Variants in PLXNA4 observed in about 807,000 individuals in gnomAD.
PLXNA4 encodes plexin A4.
PLXNA4 carries 44 observed loss-of-function variants against 191.8 expected under a neutral mutation model. The ratio of observed to expected loss-of-function variants is 0.23; its 90% confidence interval spans 0.18 to 0.29. The LOEUF (loss-of-function observed/expected upper bound fraction) is 0.29. Ranked by LOEUF, PLXNA4 falls within the 10% of genes least tolerant of loss-of-function variation. PLXNA4 has a pLI of 1.00. For synonymous variants in PLXNA4, 1,082 were observed against 1,009.5 expected (o/e 1.07, Z -1.36); for missense variants, 1,800 against 2,488.8 (o/e 0.72, Z 5.89).
In PLXNA4 at chr7:132,374,777, G is replaced by A. The variant is rs117777516; in HGVS notation, c.1372-76555C>T. Reference sequence around the variant, plus strand: ...TGTGAGGCACTTGCACCAACAGAGAGCATATAATTTTTATCTAGCAATTTC... The same window carrying A: ...TGTGAGGCACTTGCACCAACAGAGAACATATAATTTTTATCTAGCAATTTC... On this transcript the variant is annotated intron_variant, in intron 3 of 31. Transcript: ENST00000321063. Among the ~76,000 whole-genome samples, 1,034 of 152,246 alleles carry A rather than the reference G, an allele frequency of 6.8e-3. 7 individuals carry two copies. Among genetic ancestry groups the A allele is most frequent in the Middle Eastern group, 0.037 (11 of 294 alleles).
intron 20 of PLXNA4, among the ~76,000 whole-genome samples, chr7:132,177,854 G>A (rs1349700846): frequency 6.6e-6 from 1 of 152,234 alleles, no homozygotes; most frequent in Non-Finnish European, 1.5e-5. Flanking sequence ...ACAGCTGAAG[G>A]ATGTAGAGAG....
At position 132,198,878 on chromosome 7, in the gene PLXNA4, A is replaced by G. The variant is rs1797341364; in HGVS notation, c.2587-242T>C. On this transcript the variant is annotated intron_variant, in intron 12 of 31. Transcript: ENST00000321063. ...AGCCCATGGTACATCTTTCCATTTCATAGAAGAGATGAGAGGATGGAACAT... is the reference window on the plus strand; with the variant it reads ...AGCCCATGGTACATCTTTCCATTTCGTAGAAGAGATGAGAGGATGGAACAT... Among the ~76,000 whole-genome samples the G allele has an allele frequency of 2.0e-5, 3 of 152,180 alleles. No homozygotes were observed. The South Asian group carries it at 6.2e-4, about 32-fold the overall frequency.
intron 1 of PLXNA4, among the ~76,000 whole-genome samples, chr7:132,533,347 G>A (rs76483373): frequency 0.016 from 2,399 of 152,216 alleles, 28 homozygotes; most frequent in Admixed American, 0.023. Context: ...AAATCCTTGG[G>A]TGGAACATAA....
intron 14 of PLXNA4, among the ~76,000 whole-genome samples, chr7:132,189,327 A>G (rs1195809940): frequency 1.3e-5 from 2 of 152,068 alleles, no homozygotes; most frequent in Admixed American, 1.3e-4. Flanking sequence ...TAAATATTTC[A>G]CGGTGGGTTT....
rs1287848509 is a variant in PLXNA4 at position 132,158,984 on chromosome 7, T to TGCC, written c.4660+488_4660+489insGGC. 5.1e-4 allele frequency among the ~76,000 whole-genome samples: 78 copies of TGCC among 152,292 alleles called. No homozygotes were observed. The East Asian group carries it at 0.013, about 26-fold the overall frequency. ...TCATTTTCCCTATACTTTCTCTCCATTCTCTATCACTGACCCAGATCCCTC... is the reference window on the plus strand; with the variant it reads ...TCATTTTCCCTATACTTTCTCTCCATGCCTCTCTATCACTGACCCAGATCCCTC... On this transcript the variant is annotated intron_variant, in intron 25 of 31. Transcript: ENST00000321063.
intron 4 of PLXNA4, among the ~76,000 whole-genome samples, chr7:132,289,123 C>G (rs146139643): frequency 1.8e-3 from 274 of 152,342 alleles, no homozygotes; most frequent in African/African-American, 6.1e-3. Context: ...TGCCTCCTCT[C>G]ACCTCTTCCC....
At chr7:132,329,748 C>A (rs1802516436) in intron 3 of PLXNA4, among the ~76,000 whole-genome samples, 1 of 152,158 alleles carries the variant, frequency 6.6e-6, no homozygotes, top group Admixed American at 6.5e-5. Context: ...CTCAGGAAAT[C>A]TGGTGATACT....
chr7:132,197,232 T>C (rs536306558), intron 13 of PLXNA4, among the ~76,000 whole-genome samples: 1 of 152,290 alleles, frequency 6.6e-6, no homozygotes, highest in South Asian at 2.1e-4. Context: ...TTTATTTTGG[T>C]GTGTAATGTG....
intron 3 of PLXNA4, chr7:132,383,874 A>G: frequency 1.0e-6 from 1 of 985,468 alleles, no homozygotes; most frequent in Non-Finnish European, 1.2e-6. Context: ...CCCAACAGCC[A>G]TGCTTCAATG....
At chr7:132,330,933 G>T (rs1369501920) in intron 3 of PLXNA4, among the ~76,000 whole-genome samples, 2 of 152,164 alleles carry the variant, frequency 1.3e-5, no homozygotes, top group African/African-American at 4.8e-5. Flanking sequence ...ACAAAGCAAA[G>T]TTACTCCTTT....
chr7:132,579,245 T>A (rs2116809378), upstream of PLXNA4, among the ~76,000 whole-genome samples: 1 of 152,280 alleles, frequency 6.6e-6, no homozygotes, highest in African/African-American at 2.4e-5. Context: ...ATCGTTCAAT[T>A]AAAGGCGCGG....
At chr7:132,372,001 T>C (rs1804460143) in intron 3 of PLXNA4, among the ~76,000 whole-genome samples, 1 of 152,224 alleles carries the variant, frequency 6.6e-6, no homozygotes. Context: ...TTAATGATTG[T>C]TGGCCATCGC....
chr7:132,131,306 T>C (rs573359635), intron 31 of PLXNA4, among the ~76,000 whole-genome samples: 120 of 152,202 alleles, frequency 7.9e-4, no homozygotes, highest in African/African-American at 2.7e-3. Flanking sequence ...GTTTCTAGCT[T>C]GGTGATCTGA....
intron 16 of PLXNA4, among the ~76,000 whole-genome samples, chr7:132,182,832 G>C (rs1466258855): frequency 2.6e-5 from 4 of 152,100 alleles, no homozygotes; most frequent in Non-Finnish European, 4.4e-5. Context: ...GGACTGCTGA[G>C]AGGGAGGGCA....
chr7:132,371,305 C>A (rs1242384654), intron 3 of PLXNA4, among the ~76,000 whole-genome samples: 1 of 152,092 alleles, frequency 6.6e-6, no homozygotes, highest in Non-Finnish European at 1.5e-5. Flanking sequence ...AGGAGCTTAC[C>A]AAAAACTGTC....
intron 4 of PLXNA4, among the ~76,000 whole-genome samples, chr7:132,274,939 G>A (rs897177208): frequency 3.3e-5 from 5 of 151,896 alleles, no homozygotes; most frequent in Admixed American, 6.6e-5. Flanking sequence ...TCATGATGTT[G>A]TCAAGTCTTG....
chr7:132,426,296 T>TGG (rs1795040845), intron 3 of PLXNA4, among the ~76,000 whole-genome samples: 1 of 151,804 alleles, frequency 6.6e-6, no homozygotes, highest in Non-Finnish European at 1.5e-5. Context: ...GTGATGGGGG[T>TGG]GGGGGTCCTC....
Position 132,211,154 on chromosome 7 carries a change from A to G in PLXNA4, c.2098-11T>C. The G allele has an allele frequency of 6.4e-7, 1 of 1,552,498 alleles. No homozygotes were observed. The highest frequency in any genetic ancestry group is 8.7e-7 in the Non-Finnish European group (1 of 1,147,414). On this transcript the variant is annotated splice_polypyrimidine_tract_variant and intron_variant, in intron 9 of 31. Transcript: ENST00000321063. The stretch of plus-strand genomic sequence containing the variant: ...CAGCTGGGGGCAGTCCTGGGGACAG[A>G]GGGCATGGCTCAGGCTGGGCAGCCA...
At chr7:132,635,113 A>C (rs1417746449) in intron 2 of PLXNA4, among the ~76,000 whole-genome samples, 5 of 151,326 alleles carry the variant, frequency 3.3e-5, no homozygotes, top group African/African-American at 4.9e-5. Context: ...CTCAGCTTGC[A>C]GACAGCCTAT....
Sources: allele counts gnomAD v4.1 joint callset (sites outside exome capture counted in the v4.1 genomes callset), GRCh38; gene constraint gnomAD v4.1.1; transcripts MANE v1.5; gene names NCBI Gene and HGNC (gene_info 2026-07-23, HGNC 2026-07-21).